EXOC6B: variants seen among roughly 807,000 people sequenced by gnomAD.
The protein encoded by EXOC6B is exocyst complex component 6B, also known as SEC15 homolog B.
EXOC6B carries 54 observed loss-of-function variants against 113.5 expected under a neutral mutation model. The observed-to-expected ratio is 0.48, with a 90% CI of 0.38 to 0.60. The LOEUF (loss-of-function observed/expected upper bound fraction) is 0.60. Ranked by LOEUF, EXOC6B falls within the 20% of genes least tolerant of loss-of-function variation. EXOC6B has a pLI of 0.00. For synonymous variants in EXOC6B, 357 were observed against 339.0 expected (o/e 1.05, Z -0.58); for missense variants, 797 against 977.5 (o/e 0.82, Z 2.46).
chr2:72,310,087 T>G (rs531756718), intron 20 of EXOC6B, among the ~76,000 whole-genome samples: 1 of 152,326 alleles, frequency 6.6e-6, no homozygotes, highest in South Asian at 2.1e-4. Flanking sequence ...TGAACAGCGC[T>G]GCTATAAACG....
chr2:72,465,207 G>A lies in EXOC6B; in HGVS notation c.1933C>T (p.Leu645Phe). 1 of 1,612,038 alleles carries A rather than the reference G, an allele frequency of 6.2e-7. No individual in the cohort carries two copies. The highest frequency in any genetic ancestry group is 8.5e-7 in the Non-Finnish European group (1 of 1,179,124). Residue 645 changes from leucine to phenylalanine, a missense_variant, in exon 18 of 22, where the codon CTC (leucine) becomes TTC (phenylalanine). Coordinates refer to ENST00000272427, the MANE Select transcript of EXOC6B (RefSeq NM_015189.3). The part of the protein sequence containing the change: ...GNKASDYLVD[L>F]IAFLRSTFAV... ...AAGGTGCTACGAAGAAAGGCAATGAGGTCTACCAGGTAATCACTAGCTTTG... is the reference window on the plus strand; with the variant it reads ...AAGGTGCTACGAAGAAAGGCAATGAAGTCTACCAGGTAATCACTAGCTTTG...
At chr2:72,246,184 CA>C (rs1273201038) in intron 20 of EXOC6B, among the ~76,000 whole-genome samples, 7 of 152,142 alleles carry the variant, frequency 4.6e-5, no homozygotes, top group African/African-American at 1.7e-4. Context: ...CCACCATGTC[CA>C]GCCTTGTGTC....
chr2:72,586,636 C>T (rs1035695235), intron 6 of EXOC6B, among the ~76,000 whole-genome samples: 2 of 151,998 alleles, frequency 1.3e-5, no homozygotes, highest in Admixed American at 1.3e-4. Context: ...CCTGTAATCC[C>T]AGCTACTTGG....
chr2:72,739,728 G>C (rs1351758721), intron 2 of EXOC6B, among the ~76,000 whole-genome samples: 3 of 151,988 alleles, frequency 2.0e-5, no homozygotes, highest in Non-Finnish European at 4.4e-5. Context: ...TACTTTAAAT[G>C]AAAATAGTTA....
intron 1 of EXOC6B, among the ~76,000 whole-genome samples, chr2:72,791,324 A>G (rs1196651565): frequency 2.0e-5 from 3 of 152,116 alleles, no homozygotes; most frequent in Non-Finnish European, 4.4e-5. Context: ...CAGGAGGACC[A>G]CTTGAGCTGT....
At chr2:72,643,413 C>G (rs1420585704) in intron 6 of EXOC6B, among the ~76,000 whole-genome samples, 1 of 148,228 alleles carries the variant, frequency 6.7e-6, no homozygotes, top group East Asian at 2.0e-4. Flanking sequence ...CACATATACA[C>G]CATGGAATAC....
At chr2:72,738,580 GA>G (rs1310001365) in intron 2 of EXOC6B, among the ~76,000 whole-genome samples, 1 of 152,174 alleles carries the variant, frequency 6.6e-6, no homozygotes, top group Non-Finnish European at 1.5e-5. Flanking sequence ...AAAATACAAA[GA>G]AAAGCATTTC....
At chr2:72,275,961 A>G (rs1684787348) in intron 20 of EXOC6B, among the ~76,000 whole-genome samples, 1 of 152,194 alleles carries the variant, frequency 6.6e-6, no homozygotes, top group African/African-American at 2.4e-5. Context: ...CAGGTTGCCC[A>G]GACCTAAATC....
At chr2:72,797,346 T>C (rs1365963968) in intron 1 of EXOC6B, among the ~76,000 whole-genome samples, 1 of 152,226 alleles carries the variant, frequency 6.6e-6, no homozygotes, top group Admixed American at 6.5e-5. Flanking sequence ...GAAGGTACTC[T>C]AGGTAGCTAA....
At chr2:72,462,861 T>C (rs1004287124) in intron 18 of EXOC6B, 1 of 152,166 alleles carries the variant, frequency 6.6e-6, no homozygotes, top group Non-Finnish European at 1.5e-5. Context: ...ACCCAATTCC[T>C]GTTGTCAATG....
chr2:72,482,871 C>A (rs1477338017), intron 16 of EXOC6B, among the ~76,000 whole-genome samples: 1 of 152,124 alleles, frequency 6.6e-6, no homozygotes, highest in Non-Finnish European at 1.5e-5. Flanking sequence ...AACACAATAA[C>A]AAAGGGCAAA....
chr2:72,419,515 G>A lies in EXOC6B; in HGVS notation c.1981-39645C>T, dbSNP rs186015188. Among the ~76,000 whole-genome samples, 178 of 152,216 alleles carry A rather than the reference G, an allele frequency of 1.2e-3. 1 individual carries two copies. The highest frequency in any genetic ancestry group is 4.1e-3 in the African/African-American group (172 of 41,548). On this transcript the variant is annotated intron_variant, in intron 18 of 21. Coordinates refer to ENST00000272427, the MANE Select transcript of EXOC6B (RefSeq NM_015189.3). ...GTGGTAATTAAGTCCCTCAGCTTTT[G>A]TTTATGTGGGGATGCCTTACTTTCT...
At chr2:72,767,385 C>G (rs140684742) in intron 1 of EXOC6B, among the ~76,000 whole-genome samples, 150 of 152,004 alleles carry the variant, frequency 9.9e-4, no homozygotes, top group African/African-American at 3.5e-3. Context: ...AAACCAAGAT[C>G]GCGCCATTTC....
At chr2:72,257,649 G>A (rs1683433783) in intron 20 of EXOC6B, among the ~76,000 whole-genome samples, 1 of 152,208 alleles carries the variant, frequency 6.6e-6, no homozygotes, top group Non-Finnish European at 1.5e-5. Context: ...ATGGAGACAG[G>A]ATTTGTGAAT....
intron 20 of EXOC6B, among the ~76,000 whole-genome samples, chr2:72,267,333 C>T (rs541913514): frequency 6.6e-6 from 1 of 152,224 alleles, no homozygotes; most frequent in African/African-American, 2.4e-5. Flanking sequence ...CTGTCTTGTG[C>T]CAGTTTTCAA....
intron 6 of EXOC6B, among the ~76,000 whole-genome samples, chr2:72,636,427 G>C (rs562854117): frequency 2.7e-5 from 4 of 150,580 alleles, no homozygotes; most frequent in Non-Finnish European, 5.9e-5. Flanking sequence ...AGGACGAGAA[G>C]AGGAGGGAGG....
intron 18 of EXOC6B, among the ~76,000 whole-genome samples, chr2:72,442,264 A>G (rs1416065330): frequency 6.6e-6 from 1 of 152,058 alleles, no homozygotes; most frequent in Non-Finnish European, 1.5e-5. Context: ...AAATAATAAG[A>G]CCCATGTACG....
chr2:72,443,821 C>A (rs1054855407), intron 18 of EXOC6B, among the ~76,000 whole-genome samples: 3 of 152,144 alleles, frequency 2.0e-5, no homozygotes, highest in African/African-American at 7.2e-5. Context: ...GGGTCCCTCC[C>A]ACGACATGTG....
intron 19 of EXOC6B, among the ~76,000 whole-genome samples, chr2:72,344,819 G>A (rs1689230968): frequency 6.6e-6 from 1 of 151,802 alleles, no homozygotes. Context: ...AAAAAATGAA[G>A]AGAAGTAGGG....
Sources: allele counts gnomAD v4.1 joint callset (sites outside exome capture counted in the v4.1 genomes callset), GRCh38; gene constraint gnomAD v4.1.1; transcripts MANE v1.5; gene names NCBI Gene and HGNC (gene_info 2026-07-23, HGNC 2026-07-21).